The following NBEA variants were observed in gnomAD, a reference collection of about 807,000 sequenced individuals.
The protein encoded by NBEA is neurobeachin.
NBEA carries 44 observed loss-of-function variants against 343.4 expected under a neutral mutation model. The ratio of observed to expected loss-of-function variants is 0.13; its 90% CI spans 0.10 to 0.16. The LOEUF (loss-of-function observed/expected upper bound fraction) is 0.16, where lower values mean the gene tolerates loss of function less well. Ranked by LOEUF, NBEA falls within the 10% of genes least tolerant of loss-of-function variation. The pLI is 1.00. For synonymous variants in NBEA, 1,175 were observed against 1,238.7 expected, an observed-to-expected ratio of 0.95 and a Z score of 1.08; for missense variants, 2,555 against 3,631.3, an observed-to-expected ratio of 0.70 and a Z score of 7.62.
chr13:35,211,142 G>A lies in NBEA; in HGVS notation c.5611G>A (p.Val1871Ile). The A allele has an allele frequency of 6.4e-7, 1 of 1,554,138 alleles. No individual in the cohort carries two copies. The highest frequency in any genetic ancestry group is 8.7e-7 in the Non-Finnish European group (1 of 1,147,810). The change falls in exon 33 of 59, where the codon GTT (valine) becomes ATT (isoleucine). Residue 1871 changes from valine (V) to isoleucine (I), a missense_variant. By Grantham distance (29) the Val-to-Ile change is conservative (BLOSUM62 3). This residue lies in a region of NBEA where 84 missense variants were observed against 196.4 expected (regional missense o/e 0.43). Transcript: ENST00000379939. ...CAAAAACCTTCCAGCTGTACAAACT[G>A]TTGCTCCAATGCCAGAAGATTCAGC... ...TSKNLPAVQTVAPMPEDSAEN... is the reference protein window; with the variant it reads ...TSKNLPAVQTIAPMPEDSAEN...
intron 38 of NBEA, among the ~76,000 whole-genome samples, chr13:35,427,856 A>T (rs768817753): frequency 1.7e-4 from 26 of 152,226 alleles, no homozygotes; most frequent in Non-Finnish European, 3.5e-4. Context: ...CCCCAGTCTC[A>T]CTGCCACCTT....
At chr13:35,107,815 G>A (rs1048861952) in intron 11 of NBEA, among the ~76,000 whole-genome samples, 7 of 151,976 alleles carry the variant, frequency 4.6e-5, no homozygotes, top group African/African-American at 1.4e-4. Context: ...TACAAACTGG[G>A]GGAGCAACAT....
At chr13:35,574,149 A>G (rs916815699) in intron 45 of NBEA, among the ~76,000 whole-genome samples, 7 of 152,060 alleles carry the variant, frequency 4.6e-5, no homozygotes, top group African/African-American at 1.7e-4. Flanking sequence ...TGTTTATTAT[A>G]TGCCAGGCAT....
chr13:35,591,339 GAT>G (rs2081531033), intron 46 of NBEA, among the ~76,000 whole-genome samples: 1 of 151,922 alleles, frequency 6.6e-6, no homozygotes, highest in Non-Finnish European at 1.5e-5. Flanking sequence ...TTTAGTGACA[GAT>G]ATGTTATTTT....
intron 10 of NBEA, among the ~76,000 whole-genome samples, chr13:35,091,031 C>T (rs1249112865): frequency 6.6e-6 from 1 of 151,922 alleles, no homozygotes; most frequent in African/African-American, 2.4e-5. Context: ...TCCTCTAGTT[C>T]TGAGTGCCCT....
chr13:35,176,219 G>A (rs1034500133), intron 27 of NBEA, among the ~76,000 whole-genome samples: 1 of 152,050 alleles, frequency 6.6e-6, no homozygotes, highest in Non-Finnish European at 1.5e-5. Context: ...TTTTGGGCTA[G>A]AATATCATGA....
intron 41 of NBEA, among the ~76,000 whole-genome samples, chr13:35,545,769 G>C (rs2079032361): frequency 6.6e-6 from 1 of 152,166 alleles, no homozygotes; most frequent in African/African-American, 2.4e-5. Context: ...TGTCTTCTCA[G>C]AATGGATCTA....
intron 41 of NBEA, among the ~76,000 whole-genome samples, chr13:35,488,281 A>G (rs1373058344): frequency 6.6e-6 from 1 of 151,946 alleles, no homozygotes; most frequent in Non-Finnish European, 1.5e-5. Flanking sequence ...TGTAGAAGGA[A>G]GCTAATCCAC....
At chr13:35,541,787 C>T (rs1437018115) in intron 41 of NBEA, among the ~76,000 whole-genome samples, 1 of 146,296 alleles carries the variant, frequency 6.8e-6, no homozygotes, top group East Asian at 2.0e-4. Flanking sequence ...TACACATGCA[C>T]AAAAAGGTAG....
chr13:35,421,950 A>T (rs1202140047), intron 38 of NBEA, among the ~76,000 whole-genome samples: 5 of 151,966 alleles, frequency 3.3e-5, no homozygotes, highest in Admixed American at 2.0e-4. Flanking sequence ...CTTTGCCCTC[A>T]GTTTTCAGAA....
chr13:35,022,932 CTT>C (rs1245047084), intron 1 of NBEA, among the ~76,000 whole-genome samples: 1 of 151,986 alleles, frequency 6.6e-6, no homozygotes, highest in Non-Finnish European at 1.5e-5. Flanking sequence ...TTTCATATAG[CTT>C]TATCTAGAAG....
intron 8 of NBEA, among the ~76,000 whole-genome samples, chr13:35,068,120 A>G (rs2063724020): frequency 6.6e-6 from 1 of 152,104 alleles, no homozygotes; most frequent in Non-Finnish European, 1.5e-5. Flanking sequence ...CATTTAATGG[A>G]TTCTATGTTT....
Position 35,000,391 on chromosome 13 carries a change from A to G in NBEA, c.295-40542A>G, listed in dbSNP as rs73487612. On this transcript the variant is annotated intron_variant, in intron 1 of 58. Coordinates refer to ENST00000379939, the MANE Select transcript of NBEA (RefSeq NM_001385012.1). ...TATGGTTCTGGTCCTGTTTCGGAGA[A>G]GATAGATATGCTTGCTTGCTAATGT... 6.4e-3 allele frequency among the ~76,000 whole-genome samples: 970 copies of G among 152,190 alleles called. 11 individuals carry two copies. Among genetic ancestry groups the G allele is most frequent in the African/African-American group, 0.022 (929 of 41,562 alleles).
At chr13:35,478,621 C>G (rs2075986442) in intron 41 of NBEA, among the ~76,000 whole-genome samples, 1 of 152,264 alleles carries the variant, frequency 6.6e-6, no homozygotes, top group South Asian at 2.1e-4. Context: ...GAAAACCTTA[C>G]TTGGTGTCCC....
At chr13:35,638,823 T>G (rs988159511) in intron 49 of NBEA, among the ~76,000 whole-genome samples, 2 of 152,180 alleles carry the variant, frequency 1.3e-5, no homozygotes, top group Non-Finnish European at 2.9e-5. Flanking sequence ...GATGGAGCAT[T>G]TTCTCTCCGG....
In NBEA at chr13:35,649,727, C is replaced by A; in HGVS notation, c.7843C>A (p.Pro2615Thr). The change falls in exon 52 of 59, where the codon CCT (proline) becomes ACT (threonine). Residue 2615 changes from proline (P) to threonine (T), a missense_variant. Pro to Thr is a conservative substitution (Grantham distance 38). This residue lies in a region of NBEA where 61 missense variants were observed against 132.1 expected (regional missense o/e 0.46). Coordinates refer to ENST00000379939, the MANE Select transcript of NBEA (RefSeq NM_001385012.1). ...GGATGTGATAATGGTGCTGAAGTTTCCTTCAAATTCTCCAGTAACCCATGT... is the reference window on the plus strand; with the variant it reads ...GGATGTGATAATGGTGCTGAAGTTTACTTCAAATTCTCCAGTAACCCATGT... Reference protein sequence around the residue: ...QQDVIMVLKFPSNSPVTHVAA... With the variant: ...QQDVIMVLKFTSNSPVTHVAA... The A allele has an allele frequency of 6.2e-7, 1 of 1,613,948 alleles. No individual in the cohort carries two copies. The highest frequency in any genetic ancestry group is 8.5e-7 in the Non-Finnish European group (1 of 1,179,842).
intron 36 of NBEA, among the ~76,000 whole-genome samples, chr13:35,341,068 A>C (rs1480797951): frequency 2.0e-5 from 3 of 152,080 alleles, no homozygotes; most frequent in African/African-American, 7.2e-5. Context: ...TAGAATTGAG[A>C]GTCCACAAAG....
At chr13:35,403,631 A>G (rs1300582633) in intron 38 of NBEA, among the ~76,000 whole-genome samples, 1 of 152,130 alleles carries the variant, frequency 6.6e-6, no homozygotes, top group Non-Finnish European at 1.5e-5. Flanking sequence ...CTTAAACATT[A>G]GACCTAAAAC....
chr13:34,969,837 A>G (rs1380621895), intron 1 of NBEA, among the ~76,000 whole-genome samples: 1 of 151,886 alleles, frequency 6.6e-6, no homozygotes, highest in Non-Finnish European at 1.5e-5. Flanking sequence ...TGCTATTTTG[A>G]ATAGTGCTGC....
Sources: allele counts gnomAD v4.1 joint callset (sites outside exome capture counted in the v4.1 genomes callset), GRCh38; gene constraint gnomAD v4.1.1; regional missense constraint gnomAD v4.1.1; transcripts MANE v1.5; gene names NCBI Gene and HGNC (gene_info 2026-07-23, HGNC 2026-07-21).